Variants in MACF1 observed in about 807,000 individuals in gnomAD.
The protein encoded by MACF1 is microtubule-actin cross-linking factor 1.
In MACF1, 193 loss-of-function variants were observed where a neutral mutation model predicts 854.8. The ratio of observed to expected loss-of-function variants is 0.23; its 90% CI spans 0.20 to 0.25. The LOEUF is 0.25. MACF1 is among the 10% of genes least tolerant of loss of function. The pLI is 1.00. For missense variants in MACF1, 7,722 were observed against 8,929.1 expected (o/e 0.86, Z 5.45); for synonymous variants, 3,185 against 3,226.7 (o/e 0.99, Z 0.44).
chr1:39,351,885 G>T (rs910834200), intron 43 of MACF1, among the ~76,000 whole-genome samples: 41 of 152,036 alleles, frequency 2.7e-4, no homozygotes, highest in African/African-American at 8.7e-4. Flanking sequence ...ACCATGCCTG[G>T]CCAAATGACA....
At chr1:39,173,175 A>G (rs530430535) in intron 2 of MACF1, among the ~76,000 whole-genome samples, 60 of 152,070 alleles carry the variant, frequency 3.9e-4, no homozygotes, top group Non-Finnish European at 7.6e-4. Context: ...TCCCGTCTCT[A>G]CTAAAATGCA....
rs764280367 is a variant in MACF1, at chr1:39,458,550, T to C, written c.21196+60T>C. The C allele has an allele frequency of 3.3e-6, 5 of 1,517,852 alleles. No homozygotes were observed. The Admixed American group carries it at 8.8e-5, about 27-fold the overall frequency. 94.0% of individuals were successfully genotyped at this position (1,517,852 alleles called of 1,614,324 possible). On this transcript the variant is annotated intron_variant, in intron 90 of 100. Coordinates refer to ENST00000564288, the MANE Select transcript of MACF1 (RefSeq NM_001394062.1). ...TTCCTGCTAATTGAGGATGAGCACT[T>C]TCCAAATGCCTATCAAAAAAAATTA...
rs1645101257 is a variant in MACF1 at position 39,486,432 on chromosome 1, T to C, written c.*638T>C. 1 of 152,606 alleles carries C rather than the reference T, an allele frequency of 6.6e-6. No individual in the cohort carries two copies. Among genetic ancestry groups the C allele is most frequent in the African/African-American group, 2.4e-5 (1 of 41,438 alleles). 9.5% of individuals were successfully genotyped at this position (152,606 alleles called of 1,614,324 possible). ...CAGTACTGGGTGTTTAAAGGACAAATAGCTGCTAGAATTCAGGGGTAAATG... is the reference window on the plus strand; with the variant it reads ...CAGTACTGGGTGTTTAAAGGACAAACAGCTGCTAGAATTCAGGGGTAAATG... On this transcript the variant is annotated 3_prime_UTR_variant, in exon 101 of 101. Transcript: ENST00000564288.
At chr1:39,223,542 C>T (rs1463400369) in intron 1 of MACF1, among the ~76,000 whole-genome samples, 1 of 150,626 alleles carries the variant, frequency 6.6e-6, no homozygotes, top group Non-Finnish European at 1.5e-5. Flanking sequence ...AAGACAGAAT[C>T]TCACTGTCAT....
chr1:39,443,620 T>C, intron 79 of MACF1, 46 bp downstream of exon 79: 1 of 1,547,052 alleles, frequency 6.5e-7, no homozygotes, highest in South Asian at 1.2e-5. Context: ...CCATATTCAC[T>C]AGCTCCTTTC....
intron 47 of MACF1, among the ~76,000 whole-genome samples, chr1:39,359,580 A>G (rs1647882191): frequency 6.6e-6 from 1 of 152,122 alleles, no homozygotes; most frequent in African/African-American, 2.4e-5. Context: ...TGCTTAGCTG[A>G]TAACATTTAT....
intron 36 of MACF1, 95 bp downstream of exon 36, chr1:39,327,448 C>T: frequency 7.6e-7 from 1 of 1,316,350 alleles, no homozygotes; most frequent in Non-Finnish European, 1.0e-6. Context: ...ACTAGCTTTC[C>T]ATGACCAATG....
chr1:39,418,115 G>A (rs1417358144), intron 58 of MACF1, among the ~76,000 whole-genome samples: 1 of 152,186 alleles, frequency 6.6e-6, no homozygotes, highest in East Asian at 1.9e-4. Context: ...TATTTTGGAG[G>A]TAAAATCAAC....
Position 39,285,654 on chromosome 1 carries a change from CATT to C in MACF1, c.1407_1409del (p.Ile469del). 1 of 1,614,040 alleles carries C rather than the reference CATT, an allele frequency of 6.2e-7. No individual in the cohort carries two copies. Among genetic ancestry groups the C allele is most frequent in the Non-Finnish European group, 8.5e-7 (1 of 1,179,986 alleles). On this transcript the variant is annotated inframe_deletion, in exon 14 of 101. Transcript: ENST00000564288. Reference sequence around the variant, plus strand: ...AACCGGTACAATGTGAGTCAGATGTCATTATGTACATTCAGGAGTGTGAAGGTC... The same window carrying C: ...AACCGGTACAATGTGAGTCAGATGTCATGTACATTCAGGAGTGTGAAGGTC...
chr1:39,422,314 C>A (rs113635558), intron 58 of MACF1, 60 bp from the exon 59 acceptor site: 3 of 1,334,232 alleles, frequency 2.2e-6, no homozygotes, highest in East Asian at 2.3e-5. Flanking sequence ...CCAGTCTCTG[C>A]GTGGTATAGA....
rs377362749 is a variant in MACF1 at position 39,444,694 on chromosome 1, G to T, written c.19464G>T (p.Glu6488Asp). 6.8e-6 allele frequency: 11 copies of T among 1,613,664 alleles called. No individual in the cohort carries two copies. The highest frequency in any genetic ancestry group is 4.0e-5 in the African/African-American group (3 of 74,892). Residue 6488 changes from glutamate (E) to aspartate (D), a missense_variant, in exon 80 of 101, where the codon GAG (glutamate) becomes GAT (aspartate). By Grantham distance (45) the Glu-to-Asp change is conservative (BLOSUM62 2). Transcript: ENST00000564288. ...ELYSQLKAKE[E>D]TYNQLLDKGR... Reference sequence around the variant, plus strand: ...ATTCCCAGCTGAAAGCCAAGGAAGAGACTTATAATCAACTACTTGACAAGG... The same window carrying T: ...ATTCCCAGCTGAAAGCCAAGGAAGATACTTATAATCAACTACTTGACAAGG...
chr1:39,084,187 C>T lies in MACF1; in HGVS notation c.-32C>T. ...TTCAGATCACTTCTCCCTGGGCTCC[C>T]AGGCCCTCCTGCAGCAGCCCCCGCC... On this transcript the variant is annotated 5_prime_UTR_variant, in exon 2 of 94. Transcript: ENST00000361689. This position sits in a 1 kb window ranked among gnomAD's most constrained non-coding sequence, Gnocchi z 5.2. 1 of 1,600,204 alleles carries T rather than the reference C, an allele frequency of 6.2e-7. No individual in the cohort carries two copies. The highest frequency in any genetic ancestry group is 8.5e-7 in the Non-Finnish European group (1 of 1,171,984).
At chr1:39,098,535 C>T (rs1045158455) in intron 2 of MACF1, among the ~76,000 whole-genome samples, 3 of 152,222 alleles carry the variant, frequency 2.0e-5, no homozygotes, top group East Asian at 3.8e-4. Flanking sequence ...GAAGCCGGTG[C>T]GGTGAGGCCT....
intron 44 of MACF1, among the ~76,000 whole-genome samples, chr1:39,353,507 T>C (rs1647273919): frequency 1.3e-5 from 2 of 152,196 alleles, no homozygotes; most frequent in Admixed American, 1.3e-4. Flanking sequence ...CTTTTTATCT[T>C]TCAGAACATA....
At chr1:39,146,126 T>G (rs1643457733) in intron 2 of MACF1, among the ~76,000 whole-genome samples, 1 of 152,104 alleles carries the variant, frequency 6.6e-6, no homozygotes, top group African/African-American at 2.4e-5. Context: ...GCCACCTAAG[T>G]GTCCATCAAC....
chr1:39,291,370 A>G (rs559600119), intron 15 of MACF1, among the ~76,000 whole-genome samples: 94 of 152,168 alleles, frequency 6.2e-4, no homozygotes, highest in Non-Finnish European at 2.1e-4. Flanking sequence ...CAAATTTGAT[A>G]TTGCCCTTAT....
chr1:39,372,295 G>A (rs1389447616), intron 51 of MACF1, among the ~76,000 whole-genome samples, 184 bp from the exon 52 acceptor site: 1 of 152,134 alleles, frequency 6.6e-6, no homozygotes, highest in African/African-American at 2.4e-5. Context: ...TTGTACCCCA[G>A]TGTTTGGCAT....
chr1:39,475,897 C>T (rs528970920), intron 97 of MACF1, among the ~76,000 whole-genome samples: 2 of 152,280 alleles, frequency 1.3e-5, no homozygotes, highest in Admixed American at 1.3e-4. Flanking sequence ...TGGACAGACC[C>T]AGCAGACATC....
intron 1 of MACF1, among the ~76,000 whole-genome samples, chr1:39,211,698 T>C (rs984937737): frequency 2.0e-5 from 3 of 152,008 alleles, no homozygotes; most frequent in Non-Finnish European, 4.4e-5. Flanking sequence ...CTGGCCAAGA[T>C]GGTAAAACCC....
Sources: gnomAD v4.1 joint callset for allele counts (sites outside exome capture counted in the v4.1 genomes callset) on GRCh38, gnomAD v4.1.1 for gene constraint, Gnocchi (gnomAD v3.1) non-coding constraint, MANE v1.5 for transcripts, NCBI Gene and HGNC (gene_info 2026-07-23, HGNC 2026-07-21) for gene names.